KLKB1: variants seen among roughly 807,000 people sequenced by gnomAD.
KLKB1 encodes kallikrein B1.
KLKB1 carries 58 observed loss-of-function variants against 73.6 expected under a neutral mutation model. The ratio of observed to expected loss-of-function variants is 0.79; its 90% CI spans 0.64 to 0.98. The LOEUF is 0.98. Ranked by LOEUF, KLKB1 falls within the 50% of genes least tolerant of loss-of-function variation. The probability of loss-of-function intolerance (pLI) is 0.00; values close to 1 mark genes in which losing one functional copy is unlikely to be tolerated. For missense variants in KLKB1, 737 were observed against 763.8 expected, an observed-to-expected ratio of 0.96 and a Z score of 0.41; for synonymous variants, 280 against 258.1, an observed-to-expected ratio of 1.08 and a Z score of -0.81.
intron 2 of KLKB1, among the ~76,000 whole-genome samples, chr4:186,215,413 CTCTCTTGCTT>C (rs1351879087): frequency 8.5e-5 from 1 of 11,824 alleles, no homozygotes; most frequent in Non-Finnish European, 3.1e-4. Context: ...TCCTTGCTTT[CTCTCTTGCTT>C]TCTCTCTCTC....
chr4:186,252,206 A>G (rs1738720828), intron 11 of KLKB1, 21 bp downstream of exon 11: 1 of 1,604,688 alleles, frequency 6.2e-7, no homozygotes, highest in Admixed American at 1.7e-5. Flanking sequence ...GATGCATCTC[A>G]TCCAGAGTCT....
At position 186,246,711 on chromosome 4, in the gene KLKB1, A is replaced by C. The variant is rs184816330; in HGVS notation, c.599-3532A>C. On this transcript the variant is annotated intron_variant, in intron 6 of 14. Transcript: ENST00000264690. Reference sequence around the variant, plus strand: ...AGCCCAGAGAAAAGAGAGGGTAGAGACATGGAGAGAAGGGGTGGGGGGGTG... The same window carrying C: ...AGCCCAGAGAAAAGAGAGGGTAGAGCCATGGAGAGAAGGGGTGGGGGGGTG... Among the ~76,000 whole-genome samples the C allele has an allele frequency of 2.7e-4, 41 of 152,090 alleles. No individual in the cohort carries two copies. The East Asian group carries it at 7.6e-3, about 28-fold the overall frequency.
intron 4 of KLKB1, among the ~76,000 whole-genome samples, chr4:186,235,730 T>C (rs946877169): frequency 5.3e-5 from 8 of 152,146 alleles, no homozygotes; most frequent in African/African-American, 1.4e-4. Context: ...CCACATAATC[T>C]TGGGGAATAA....
intron 6 of KLKB1, among the ~76,000 whole-genome samples, chr4:186,247,812 T>G (rs1200467223): frequency 2.0e-5 from 3 of 152,254 alleles, no homozygotes; most frequent in Non-Finnish European, 4.4e-5. Context: ...TCATAGTAGA[T>G]TTAAAATTTT....
rs767524534 is a variant in KLKB1 at position 186,257,214 on chromosome 4, G to T, written c.1586-12G>T. ...TAACTTCCCTCTGAGGTTATATATTGGTTACTCACAGGTGAAATCCAAAAT... is the reference window on the plus strand; with the variant it reads ...TAACTTCCCTCTGAGGTTATATATTTGTTACTCACAGGTGAAATCCAAAAT... On this transcript the variant is annotated splice_polypyrimidine_tract_variant and intron_variant, in intron 13 of 14. Transcript: ENST00000264690. The T allele has an allele frequency of 1.3e-6, 2 of 1,499,778 alleles. No homozygotes were observed. Among genetic ancestry groups the T allele is most frequent in the Admixed American group, 1.7e-5 (1 of 58,552 alleles). The allele number at this position is 1,499,778 out of a possible 1,614,324, so 92.9% of individuals were successfully genotyped here. A position where few individuals can be genotyped will look rare whatever the true frequency, so the allele number is the denominator to read the frequency against.
chr4:186,254,779 A>G lies in KLKB1; in HGVS notation c.1489+16A>G. On this transcript the variant is annotated intron_variant, in intron 12 of 14. Coordinates refer to ENST00000264690, the MANE Select transcript of KLKB1 (RefSeq NM_000892.5). ...AATTACACTGGTATGTAGCATATGT[A>G]AGAAGGTGGAGAGCAGAATTGCGCT... The G allele has an allele frequency of 1.2e-6, 2 of 1,604,334 alleles. No homozygotes were observed. Among genetic ancestry groups the G allele is most frequent in the African/African-American group, 2.7e-5 (2 of 74,826 alleles).
Position 186,252,106 on chromosome 4 carries a change from C to T in KLKB1, c.1234C>T (p.Leu412=). 6.2e-7 allele frequency: 1 copy of T among 1,614,040 alleles called. No individual in the cohort carries two copies. The highest frequency in any genetic ancestry group is 8.5e-7 in the Non-Finnish European group (1 of 1,180,022). ...CTGGCAGGTGAGCCTGCAGGTGAAG[C>T]TGACAGCTCAGAGGCACCTGTGTGG... The part of the protein sequence containing the change: ...WPWQVSLQVK[L]TAQRHLCGGS... The change falls in exon 11 of 15, where the codon CTG becomes TTG. Residue 412 remains leucine, a synonymous_variant. Coordinates refer to ENST00000264690, the MANE Select transcript of KLKB1 (RefSeq NM_000892.5).
At chr4:186,235,872 T>C (rs1737639307) in intron 4 of KLKB1, among the ~76,000 whole-genome samples, 2 of 151,758 alleles carry the variant, frequency 1.3e-5, no homozygotes, top group South Asian at 4.2e-4. Context: ...TCCCAGCACT[T>C]TGGGAGGCCG....
rs112774511 is a variant in KLKB1, at chr4:186,251,882, G to A, written c.1144+21G>A. The A allele has an allele frequency of 9.0e-4, 1,443 of 1,603,070 alleles. 2 individuals carry two copies. The highest frequency in any genetic ancestry group is 1.7e-3 in the Middle Eastern group (10 of 6,034). ...CTCTGGTGAGTAACCTCACTTTTTCGTGGACCTGTCAGGGATGTCTGTCAT... is the reference window on the plus strand; with the variant it reads ...CTCTGGTGAGTAACCTCACTTTTTCATGGACCTGTCAGGGATGTCTGTCAT... On this transcript the variant is annotated intron_variant, in intron 10 of 14. Coordinates refer to ENST00000264690, the MANE Select transcript of KLKB1 (RefSeq NM_000892.5).
At chr4:186,216,393 T>C (rs1423087102) in intron 2 of KLKB1, among the ~76,000 whole-genome samples, 1 of 151,890 alleles carries the variant, frequency 6.6e-6, no homozygotes, top group Non-Finnish European at 1.5e-5. Flanking sequence ...GACAAGGAGG[T>C]AACAGAATGG....
At chr4:186,242,110 AAAATT>A (rs1279385920) in intron 6 of KLKB1, among the ~76,000 whole-genome samples, 2 of 151,338 alleles carry the variant, frequency 1.3e-5, no homozygotes, top group African/African-American at 4.9e-5. Context: ...TAGGTAGTGG[AAAATT>A]ACAGTCAAAG....
At chr4:186,228,830 G>A (rs1415557046) in intron 2 of KLKB1, 4 of 152,264 alleles carry the variant, frequency 2.6e-5, no homozygotes, top group Non-Finnish European at 1.5e-5. Flanking sequence ...TTAATTTTTG[G>A]AGAATAAAAA....
At position 186,232,275 on chromosome 4, in the gene KLKB1, TG is replaced by T. The variant is rs762984757; in HGVS notation, c.208del (p.Asp70ThrfsTer10). ...GTTTTCTTCCAGCAAGTTCAATCAA[TG>T]ACATGGAGAAAAGGTAAAAGTTGGT... ...FSFLPASSIN[D>X]MEKRFGCFLK... On this transcript the variant is annotated frameshift_variant, in exon 3 of 15. Coordinates refer to ENST00000264690, the MANE Select transcript of KLKB1 (RefSeq NM_000892.5). LOFTEE classifies it high-confidence loss of function. The T allele has an allele frequency of 6.2e-7, 1 of 1,614,058 alleles. No individual in the cohort carries two copies. Among genetic ancestry groups the T allele is most frequent in the East Asian group, 2.2e-5 (1 of 44,878 alleles).
rs201786496 is a variant in KLKB1 at position 186,245,803 on chromosome 4, T to G, written c.599-4440T>G. Among the ~76,000 whole-genome samples the G allele has an allele frequency of 4.1e-4, 31 of 74,916 alleles. No individual in the cohort carries two copies. In the East Asian group the frequency reaches 0.011, roughly 27 times the overall value. The allele number at this position is 74,916 out of a possible 152,430, so 49.1% of individuals were successfully genotyped here. Reference sequence around the variant, plus strand: ...GAGGGCTGGAATCTAATTTTTGGAGTTTTTTTTTGTTTGTTTTTTGGTTTT... The same window carrying G: ...GAGGGCTGGAATCTAATTTTTGGAGGTTTTTTTTGTTTGTTTTTTGGTTTT... On this transcript the variant is annotated intron_variant, in intron 6 of 14. Coordinates refer to ENST00000264690, the MANE Select transcript of KLKB1 (RefSeq NM_000892.5).
chr4:186,248,001 A>G (rs1738446321), intron 6 of KLKB1, among the ~76,000 whole-genome samples: 1 of 152,194 alleles, frequency 6.6e-6, no homozygotes, highest in Non-Finnish European at 1.5e-5. Flanking sequence ...TAATCCCAGC[A>G]CTTTGGGAGG....
In KLKB1 at chr4:186,254,574, T is replaced by C; in HGVS notation, c.1314-14T>C. 1 of 1,611,726 alleles carries C rather than the reference T, an allele frequency of 6.2e-7. No individual in the cohort carries two copies. The highest frequency in any genetic ancestry group is 1.1e-5 in the South Asian group (1 of 91,056). On this transcript the variant is annotated splice_polypyrimidine_tract_variant and intron_variant, in intron 11 of 14. Coordinates refer to ENST00000264690, the MANE Select transcript of KLKB1 (RefSeq NM_000892.5). Reference sequence around the variant, plus strand: ...CTGCCCAGTTTCAAACAGGTATTTATTTTTCTCTCCTAGGCTTCCCCTGCA... The same window carrying C: ...CTGCCCAGTTTCAAACAGGTATTTACTTTTCTCTCCTAGGCTTCCCCTGCA...
At chr4:186,213,566 G>C (rs1241234100) in intron 2 of KLKB1, 1 of 152,194 alleles carries the variant, frequency 6.6e-6, no homozygotes, top group Non-Finnish European at 1.5e-5. Flanking sequence ...AGAAGAAGTA[G>C]AATCACCAGA....
At chr4:186,228,694 G>A (rs756404292) in intron 2 of KLKB1, among the ~76,000 whole-genome samples, 2 of 152,134 alleles carry the variant, frequency 1.3e-5, no homozygotes, top group East Asian at 3.8e-4. Context: ...ACTCTGGACC[G>A]CTAGGGAACC....
chr4:186,251,751 G>T lies in KLKB1; in HGVS notation c.1034G>T (p.Cys345Phe), dbSNP rs753974299. The change falls in exon 10 of 15, where the codon TGT (cysteine) becomes TTT (phenylalanine). Residue 345 changes from cysteine to phenylalanine, a missense_variant and splice_region_variant. Physicochemically the swap from Cys to Phe is radical, Grantham distance 205 (BLOSUM62 -2). Transcript: ENST00000264690. ...TTTCTACTGTTCATTTCATCTAGGT[G>T]TAAGTGTTTCTTAAGATTATCTATG... Reference protein sequence around the residue: ...LLPEDCKEEKCKCFLRLSMDG... With the variant: ...LLPEDCKEEKFKCFLRLSMDG... The T allele has an allele frequency of 1.2e-6, 2 of 1,611,994 alleles. No individual in the cohort carries two copies. The highest frequency in any genetic ancestry group is 4.5e-5 in the East Asian group (2 of 44,884).
Sources: allele counts gnomAD v4.1 joint callset (sites outside exome capture counted in the v4.1 genomes callset), GRCh38; gene constraint gnomAD v4.1.1; transcripts MANE v1.5; gene names NCBI Gene and HGNC (gene_info 2026-07-23, HGNC 2026-07-21).